The following INSC variants were observed in gnomAD, a reference collection of about 807,000 sequenced individuals.
INSC encodes the protein protein inscuteable homolog.
A neutral mutation model predicts 58.6 loss-of-function variants in INSC; 67 were observed. That is an observed-to-expected ratio of 1.14 (90% CI 0.94 to 1.40). INSC has a LOEUF of 1.40. INSC is among the 40% of genes most tolerant of loss of function. The pLI, the probability that INSC is intolerant of heterozygous loss-of-function variation, is 0.00. For missense variants in INSC, 714 were observed against 692.0 expected, an observed-to-expected ratio of 1.03 and a Z score of -0.36; for synonymous variants, 262 against 276.1, an observed-to-expected ratio of 0.95 and a Z score of 0.51.
intron 2 of INSC, among the ~76,000 whole-genome samples, chr11:15,175,330 A>G (rs1050022039): frequency 6.6e-6 from 1 of 152,236 alleles, no homozygotes; most frequent in Non-Finnish European, 1.5e-5. Context: ...GCTATACCAT[A>G]GCTCACTTAG....
Position 15,158,860 on chromosome 11 carries a change from G to GTTTTTTTT in INSC, c.56+9644_56+9651dup, listed in dbSNP as rs529518368. On this transcript the variant is annotated intron_variant, in intron 2 of 12. Transcript: ENST00000379556. Reference sequence around the variant, plus strand: ...ATTATAACCAGATGAATTGTTGGTGGTTTTTTTTTTTTTTTTTTTTTGCCT... The same window carrying GTTTTTTTT: ...ATTATAACCAGATGAATTGTTGGTGGTTTTTTTTTTTTTTTTTTTTTTTTTTTTTGCCT... Among the ~76,000 whole-genome samples, 850 of 109,534 alleles carry GTTTTTTTT rather than the reference G, an allele frequency of 7.8e-3. 44 individuals carry two copies. Among genetic ancestry groups the GTTTTTTTT allele is most frequent in the African/African-American group, 0.026 (725 of 28,170 alleles). The allele number at this position is 109,534 out of a possible 152,430, so 71.9% of individuals were successfully genotyped here. A position where few individuals can be genotyped will look rare whatever the true frequency, so the allele number is the denominator to read the frequency against.
chr11:15,256,514 G>A, the INSC span, among the ~76,000 whole-genome samples: 7 of 150,552 alleles, frequency 4.6e-5, no homozygotes, highest in African/African-American at 1.7e-4. Flanking sequence ...TTTTGAGAGG[G>A]AGTTTCGCTC....
intron 1 of INSC, among the ~76,000 whole-genome samples, chr11:15,148,319 TG>T (rs1374648229): frequency 9.2e-5 from 14 of 152,226 alleles, no homozygotes; most frequent in Non-Finnish European, 2.9e-5. Context: ...GTTGATTCAG[TG>T]GCTTAGTGAT....
chr11:15,214,489 G>A (rs1851141415), intron 7 of INSC, among the ~76,000 whole-genome samples: 1 of 152,166 alleles, frequency 6.6e-6, no homozygotes, highest in South Asian at 2.1e-4. Flanking sequence ...GAGCAGACTA[G>A]CACCAGTGAT....
intron 12 of INSC, chr11:15,241,726 A>G (rs191040622): frequency 4.5e-4 from 294 of 648,044 alleles, no homozygotes; most frequent in Admixed American, 1.0e-3. Flanking sequence ...AAATGCAAAA[A>G]AGTAAAATAT....
chr11:15,130,803 T>G (rs1051587729), intron 1 of INSC, among the ~76,000 whole-genome samples: 54 of 152,224 alleles, frequency 3.5e-4, no homozygotes, highest in African/African-American at 1.2e-3. Context: ...GGAATTTATC[T>G]AACTTATTTA....
At chr11:15,228,758 G>A (rs1187751593) in intron 9 of INSC, among the ~76,000 whole-genome samples, 1 of 152,194 alleles carries the variant, frequency 6.6e-6, no homozygotes, top group Non-Finnish European at 1.5e-5. Flanking sequence ...TGGACAATGA[G>A]AACCCTTCCA....
At chr11:15,264,457 TA>T in the INSC span, among the ~76,000 whole-genome samples, 2 of 144,568 alleles carry the variant, frequency 1.4e-5, no homozygotes, top group Admixed American at 7.1e-5. Context: ...CCAGTAGCCT[TA>T]ATTATTCCTT....
intron 9 of INSC, among the ~76,000 whole-genome samples, chr11:15,227,465 T>G (rs556891696): frequency 1.3e-5 from 2 of 152,356 alleles, no homozygotes; most frequent in Admixed American, 1.3e-4. Context: ...TATCATTACT[T>G]TTTAAACCTG....
intron 1 of INSC, among the ~76,000 whole-genome samples, chr11:15,137,990 C>T (rs964036641): frequency 6.6e-6 from 1 of 152,154 alleles, no homozygotes; most frequent in Non-Finnish European, 1.5e-5. Context: ...CTTCCTTTCA[C>T]TTGAACATTT....
At chr11:15,263,119 C>G in the INSC span, among the ~76,000 whole-genome samples, 3 of 152,014 alleles carry the variant, frequency 2.0e-5, no homozygotes, top group Non-Finnish European at 4.4e-5. Flanking sequence ...AGATTAGAAG[C>G]AGCTAAACAG....
intron 7 of INSC, among the ~76,000 whole-genome samples, chr11:15,219,904 C>A (rs1318916070): frequency 6.6e-6 from 1 of 152,170 alleles, no homozygotes; most frequent in East Asian, 1.9e-4. Context: ...CCAAACGAGG[C>A]CTCTCTCTGA....
intron 6 of INSC, among the ~76,000 whole-genome samples, chr11:15,199,772 G>A (rs1457961411): frequency 6.6e-6 from 1 of 152,134 alleles, no homozygotes; most frequent in African/African-American, 2.4e-5. Flanking sequence ...ATTCTTTACT[G>A]CTGCCAACCC....
chr11:15,244,852 G>A (rs768570741), intron 12 of INSC, among the ~76,000 whole-genome samples: 1 of 152,122 alleles, frequency 6.6e-6, no homozygotes, highest in African/African-American at 2.4e-5. Flanking sequence ...TATATGCTCA[G>A]GAAGAGGGAA....
chr11:15,215,140 C>G (rs1851166417), intron 7 of INSC, among the ~76,000 whole-genome samples: 1 of 152,208 alleles, frequency 6.6e-6, no homozygotes, highest in African/African-American at 2.4e-5. Context: ...AGATGATGAC[C>G]AAGCCAGGCC....
the INSC span, among the ~76,000 whole-genome samples, chr11:15,262,858 C>A: frequency 6.0e-4 from 92 of 152,100 alleles, no homozygotes; most frequent in African/African-American, 2.2e-3. Context: ...AGAAATACAG[C>A]ACTCTGAGAA....
upstream of INSC, chr11:15,112,391 AG>A: frequency 8.2e-7 from 1 of 1,226,342 alleles, no homozygotes; most frequent in Admixed American, 2.2e-5. Context: ...ATGGCCCAGA[AG>A]GGTGGGCAAA....
intron 2 of INSC, among the ~76,000 whole-genome samples, chr11:15,165,973 T>G (rs895912107): frequency 1.3e-5 from 2 of 152,164 alleles, no homozygotes; most frequent in Admixed American, 6.5e-5. Flanking sequence ...AGTTGGGCTA[T>G]CTTTCTTATG....
chr11:15,182,522 C>T (rs1315924329), intron 5 of INSC, among the ~76,000 whole-genome samples: 2 of 152,174 alleles, frequency 1.3e-5, no homozygotes, highest in African/African-American at 4.8e-5. Flanking sequence ...TTTTCCTTTT[C>T]CTGCAAAGTC....
Sources: allele counts gnomAD v4.1 joint callset (sites outside exome capture counted in the v4.1 genomes callset), GRCh38; gene constraint gnomAD v4.1.1; transcripts MANE v1.5; gene names NCBI Gene and HGNC (gene_info 2026-07-23, HGNC 2026-07-21).